PHACTR3: variants seen among roughly 807,000 people sequenced by gnomAD.
The protein encoded by PHACTR3 is protein phosphatase 1, regulatory subunit 123.
In PHACTR3, 16 loss-of-function variants were observed where a neutral mutation model predicts 66.8. That is an observed-to-expected ratio of 0.24 (90% CI 0.16 to 0.36). PHACTR3 has a LOEUF of 0.36. Ranked by LOEUF, PHACTR3 falls within the 10% of genes least tolerant of loss-of-function variation. The pLI is 1.00. For synonymous variants in PHACTR3, 323 were observed against 292.1 expected (o/e 1.11, Z -1.08); for missense variants, 647 against 719.9 (o/e 0.90, Z 1.16).
At chr20:59,638,240 CTA>C (rs1287814893) in intron 1 of PHACTR3, among the ~76,000 whole-genome samples, 1 of 152,162 alleles carries the variant, frequency 6.6e-6, no homozygotes, top group East Asian at 1.9e-4. Flanking sequence ...GTAGTTGTAG[CTA>C]TGTTAGATGG....
chr20:59,659,630 C>T (rs1309398684), intron 1 of PHACTR3, among the ~76,000 whole-genome samples: 1 of 152,116 alleles, frequency 6.6e-6, no homozygotes, highest in Non-Finnish European at 1.5e-5. Context: ...CTCAGCCTCC[C>T]AAAGTGCTGG....
chr20:59,668,578 A>G (rs972530609), intron 1 of PHACTR3, among the ~76,000 whole-genome samples: 4 of 152,202 alleles, frequency 2.6e-5, no homozygotes, highest in Non-Finnish European at 5.9e-5. Flanking sequence ...TCTTTTCTCT[A>G]TGGGACCCTT....
intron 1 of PHACTR3, among the ~76,000 whole-genome samples, chr20:59,693,524 A>G (rs918015956): frequency 6.6e-6 from 1 of 152,180 alleles, no homozygotes; most frequent in African/African-American, 2.4e-5. Flanking sequence ...AGAATCATTT[A>G]TATAGACTCA....
intron 1 of PHACTR3, among the ~76,000 whole-genome samples, chr20:59,684,900 C>T (rs1020309799): frequency 1.3e-5 from 2 of 152,210 alleles, no homozygotes; most frequent in African/African-American, 4.8e-5. Flanking sequence ...CCCAGCATGT[C>T]CCACGGCTCA....
At chr20:59,817,693 C>T (rs2041925349) in intron 8 of PHACTR3, among the ~76,000 whole-genome samples, 1 of 152,184 alleles carries the variant, frequency 6.6e-6, no homozygotes, top group African/African-American at 2.4e-5. Flanking sequence ...ATCCTGTGGG[C>T]CATCACCCCT....
intron 1 of PHACTR3, among the ~76,000 whole-genome samples, chr20:59,727,402 C>T (rs948914649): frequency 4.6e-5 from 7 of 152,046 alleles, no homozygotes; most frequent in Admixed American, 2.6e-4. Context: ...GTAAAAGTGC[C>T]AGTCGTGTAT....
At chr20:59,803,912 CA>C (rs1284905340) in intron 7 of PHACTR3, among the ~76,000 whole-genome samples, 2 of 152,142 alleles carry the variant, frequency 1.3e-5, no homozygotes, top group East Asian at 3.8e-4. Flanking sequence ...GTCTGTCACA[CA>C]ATCTAGACTG....
chr20:59,625,404 A>G (rs570430162), intron 1 of PHACTR3, among the ~76,000 whole-genome samples: 1 of 151,994 alleles, frequency 6.6e-6, no homozygotes, highest in East Asian at 1.9e-4. Flanking sequence ...TCATGTTCTC[A>G]TCCCATCTGA....
chr20:59,645,248 C>T (rs555029716), intron 1 of PHACTR3, among the ~76,000 whole-genome samples: 54 of 138,240 alleles, frequency 3.9e-4, no homozygotes, highest in African/African-American at 1.4e-3. Flanking sequence ...TTTTTACCCA[C>T]TCTCTGATTC....
intron 1 of PHACTR3, among the ~76,000 whole-genome samples, chr20:59,671,249 C>T (rs1170963992): frequency 1.3e-5 from 2 of 152,180 alleles, no homozygotes. Context: ...GGGCTGTGAG[C>T]ATCTGTACAT....
intron 7 of PHACTR3, among the ~76,000 whole-genome samples, chr20:59,788,364 C>A (rs1476509019): frequency 9.9e-5 from 15 of 152,260 alleles, no homozygotes; most frequent in African/African-American, 3.4e-4. Context: ...CTTCCCTTAC[C>A]CTCAGGCACC....
intron 1 of PHACTR3, among the ~76,000 whole-genome samples, chr20:59,716,378 A>T (rs1015582910): frequency 5.3e-5 from 8 of 151,820 alleles, no homozygotes; most frequent in African/African-American, 1.9e-4. Context: ...TCAGCCTCCC[A>T]AGAAGCTGGA....
intron 5 of PHACTR3, among the ~76,000 whole-genome samples, chr20:59,769,199 G>C (rs1286997702): frequency 6.6e-6 from 1 of 152,210 alleles, no homozygotes; most frequent in African/African-American, 2.4e-5. Flanking sequence ...CCATCTTCCA[G>C]CATTTACCAC....
intron 8 of PHACTR3, among the ~76,000 whole-genome samples, chr20:59,814,782 T>G (rs1396404187): frequency 6.6e-6 from 1 of 152,084 alleles, no homozygotes; most frequent in Non-Finnish European, 1.5e-5. Flanking sequence ...AATGGAGCAG[T>G]GTTAAGCTTT....
In PHACTR3 at chr20:59,680,352, T is replaced by G. The variant is rs572824971; in HGVS notation, c.119-62755T>G. Among the ~76,000 whole-genome samples, 7 of 152,160 alleles carry G rather than the reference T, an allele frequency of 4.6e-5. No individual in the cohort carries two copies. In the South Asian group the frequency reaches 1.2e-3, roughly 27 times the overall value. Reference sequence around the variant, plus strand: ...TTAACATACAGAAACGGTCCAGTGGTGGCAGGCTGGACAGGAGAACTGCCT... The same window carrying G: ...TTAACATACAGAAACGGTCCAGTGGGGGCAGGCTGGACAGGAGAACTGCCT... On this transcript the variant is annotated intron_variant, in intron 1 of 12. Coordinates refer to ENST00000371015, the MANE Select transcript of PHACTR3 (RefSeq NM_080672.5).
chr20:59,781,942 C>T lies in PHACTR3; in HGVS notation c.1174+7452C>T, dbSNP rs138166182. Among the ~76,000 whole-genome samples, 687 of 152,250 alleles carry T rather than the reference C, an allele frequency of 4.5e-3. 6 individuals carry two copies. Among genetic ancestry groups the T allele is most frequent in the African/African-American group, 0.016 (656 of 41,542 alleles). Reference sequence around the variant, plus strand: ...GAGTAAAGGGACATACGGGATTTCCCGGCTTTATAGATTTTTTTTAAAGCT... The same window carrying T: ...GAGTAAAGGGACATACGGGATTTCCTGGCTTTATAGATTTTTTTTAAAGCT... On this transcript the variant is annotated intron_variant, in intron 7 of 12. Transcript: ENST00000371015.
intron 1 of PHACTR3, among the ~76,000 whole-genome samples, chr20:59,616,638 C>G (rs563061151): frequency 6.6e-6 from 1 of 152,188 alleles, no homozygotes; most frequent in Non-Finnish European, 1.5e-5. Context: ...CCAGCTGGGA[C>G]GTGAGGCTGT....
chr20:59,623,044 A>G (rs548658548), intron 1 of PHACTR3, among the ~76,000 whole-genome samples: 2 of 148,696 alleles, frequency 1.3e-5, no homozygotes, highest in Admixed American at 1.4e-4. Flanking sequence ...TTCCTGTATG[A>G]TGTATAGCTT....
intron 1 of PHACTR3, among the ~76,000 whole-genome samples, chr20:59,741,317 C>T (rs1601236968): frequency 1.3e-5 from 2 of 152,218 alleles, no homozygotes; most frequent in South Asian, 4.1e-4. Context: ...GTTCGCAGGG[C>T]GAGGGGTCCT....
Sources: gnomAD v4.1 joint callset for allele counts (sites outside exome capture counted in the v4.1 genomes callset) on GRCh38, gnomAD v4.1.1 for gene constraint, MANE v1.5 for transcripts, NCBI Gene and HGNC (gene_info 2026-07-23, HGNC 2026-07-21) for gene names.